The following DENND1A variants were observed in gnomAD, a reference collection of about 807,000 sequenced individuals.
DENND1A encodes DENN domain containing 1A.
DENND1A carries 51 observed loss-of-function variants against 113.7 expected under a neutral mutation model. The observed-to-expected ratio is 0.45, with a 90% CI of 0.36 to 0.57. The LOEUF is 0.57. Among genes scored for constraint, DENND1A ranks in the 20% least tolerant of loss-of-function variants. The pLI is 0.00. For missense variants in DENND1A, 1,258 were observed against 1,395.9 expected (o/e 0.90, Z 1.57); for synonymous variants, 565 against 570.8 (o/e 0.99, Z 0.14).
chr9:123,653,834 G>A (rs150491378), intron 8 of DENND1A, among the ~76,000 whole-genome samples: 70 of 151,520 alleles, frequency 4.6e-4, no homozygotes, highest in Admixed American at 9.2e-4. Context: ...CTTTTCCTGT[G>A]TTCTTTCCAA....
rs184066221 is a variant in DENND1A at position 123,765,237 on chromosome 9, T to A, written c.182+4277A>T. ...GTAAAACAGGGAAAGTATGGTGGAGTTGGAGGTCAGACAAATGAGGGTTCT... is the reference window on the plus strand; with the variant it reads ...GTAAAACAGGGAAAGTATGGTGGAGATGGAGGTCAGACAAATGAGGGTTCT... On this transcript the variant is annotated intron_variant, in intron 4 of 23. Coordinates refer to ENST00000394215, the MANE Select transcript of DENND1A (RefSeq NM_001352964.2). 3.1e-3 allele frequency among the ~76,000 whole-genome samples: 474 copies of A among 152,206 alleles called. 11 individuals are homozygous for A. Among genetic ancestry groups the A allele is most frequent in the Non-Finnish European group, 2.2e-4 (15 of 68,002 alleles).
chr9:123,921,950 C>G (rs1014721185), intron 1 of DENND1A, among the ~76,000 whole-genome samples: 3 of 148,156 alleles, frequency 2.0e-5, no homozygotes, highest in African/African-American at 5.0e-5. Context: ...GAGACAGGGT[C>G]TCACTCTGTC....
chr9:123,719,595 T>C (rs922830252), intron 5 of DENND1A, among the ~76,000 whole-genome samples: 2 of 152,232 alleles, frequency 1.3e-5, no homozygotes, highest in Non-Finnish European at 2.9e-5. Context: ...AGTTGTCTTA[T>C]CTGAAATGCC....
chr9:123,894,471 A>T (rs1850402610), intron 1 of DENND1A, among the ~76,000 whole-genome samples: 1 of 152,228 alleles, frequency 6.6e-6, no homozygotes, highest in African/African-American at 2.4e-5. Flanking sequence ...GCTGTTTGAA[A>T]TCAATAGAAA....
At chr9:123,561,323 C>A (rs2057742776) in intron 12 of DENND1A, among the ~76,000 whole-genome samples, 1 of 152,146 alleles carries the variant, frequency 6.6e-6, no homozygotes, top group Non-Finnish European at 1.5e-5. Flanking sequence ...CGAGTGTGTC[C>A]CTTCCTGCCT....
chr9:123,469,516 A>G (rs1281517673), intron 13 of DENND1A, among the ~76,000 whole-genome samples: 8 of 152,240 alleles, frequency 5.3e-5, no homozygotes, highest in Admixed American at 4.6e-4. Flanking sequence ...TTCCTTCTGC[A>G]TTAACCGAGA....
chr9:123,780,425 A>T (rs1627536), intron 3 of DENND1A, among the ~76,000 whole-genome samples: 64,457 of 152,018 alleles, frequency 0.42, 16,846 homozygotes, highest in African/African-American at 0.74. Context: ...TGGATGATAG[A>T]TCGGATTAAG....
intron 10 of DENND1A, among the ~76,000 whole-genome samples, chr9:123,618,880 A>G (rs2060793900): frequency 6.6e-6 from 1 of 152,220 alleles, no homozygotes. Context: ...TACACAGACT[A>G]ACCCATTTTT....
chr9:123,509,347 C>T (rs952470818), intron 13 of DENND1A, among the ~76,000 whole-genome samples: 1 of 152,220 alleles, frequency 6.6e-6, no homozygotes, highest in African/African-American at 2.4e-5. Context: ...GAGAGTCAGA[C>T]AGGTCTGTCT....
At chr9:123,620,244 G>GAAAAA in intron 10 of DENND1A, among the ~76,000 whole-genome samples, 1 of 118,954 alleles carries the variant, frequency 8.4e-6, no homozygotes, top group Non-Finnish European at 1.7e-5. Context: ...AAAAAGAAAA[G>GAAAAA]AAAAAGAAAA....
intron 13 of DENND1A, among the ~76,000 whole-genome samples, chr9:123,536,299 G>A (rs762534917): frequency 2.0e-5 from 3 of 151,940 alleles, no homozygotes; most frequent in Non-Finnish European, 2.9e-5. Flanking sequence ...GTGAAACCTC[G>A]TCTCTACTAA....
chr9:123,904,253 C>G (rs1260013839), intron 1 of DENND1A, among the ~76,000 whole-genome samples: 1 of 151,938 alleles, frequency 6.6e-6, no homozygotes, highest in Non-Finnish European at 1.5e-5. Context: ...GTAGATAAAA[C>G]CACAAAGATG....
intron 9 of DENND1A, among the ~76,000 whole-genome samples, chr9:123,650,978 T>G (rs2062618874): frequency 1.3e-5 from 2 of 148,974 alleles, no homozygotes; most frequent in South Asian, 4.2e-4. Context: ...AATAAATACA[T>G]GATAAAGCAA....
At chr9:123,512,351 G>A (rs1290354035) in intron 13 of DENND1A, among the ~76,000 whole-genome samples, 2 of 152,200 alleles carry the variant, frequency 1.3e-5, no homozygotes, top group Admixed American at 6.5e-5. Context: ...GAGGGGGAGC[G>A]TGGCCCCTGG....
intron 3 of DENND1A, among the ~76,000 whole-genome samples, chr9:123,792,198 T>A (rs1010223395): frequency 6.6e-6 from 1 of 152,206 alleles, no homozygotes; most frequent in Non-Finnish European, 1.5e-5. Context: ...TTCCAGGAAA[T>A]GTTATAAACT....
At chr9:123,543,507 T>C (rs1195086455) in intron 13 of DENND1A, among the ~76,000 whole-genome samples, 4 of 152,206 alleles carry the variant, frequency 2.6e-5, no homozygotes, top group Non-Finnish European at 4.4e-5. Context: ...ACATTAGTGC[T>C]GAATCCTGTA....
At chr9:123,929,111 A>T (rs944229546) in intron 1 of DENND1A, among the ~76,000 whole-genome samples, 1 of 152,216 alleles carries the variant, frequency 6.6e-6, no homozygotes, top group Non-Finnish European at 1.5e-5. Flanking sequence ...TTCCAAAGTC[A>T]ACTTCTAAGT....
intron 15 of DENND1A, among the ~76,000 whole-genome samples, chr9:123,456,424 C>A (rs1343193883): frequency 6.6e-6 from 1 of 152,132 alleles, no homozygotes; most frequent in Non-Finnish European, 1.5e-5. Flanking sequence ...CCTCTCTGGG[C>A]CTTAGATGCC....
At chr9:123,529,129 A>AT (rs1003411761) in intron 13 of DENND1A, among the ~76,000 whole-genome samples, 4 of 152,272 alleles carry the variant, frequency 2.6e-5, no homozygotes, top group African/African-American at 9.6e-5. Flanking sequence ...CCAATGCAAT[A>AT]TTTTTTTAAA....
Sources: allele counts gnomAD v4.1 joint callset (sites outside exome capture counted in the v4.1 genomes callset), GRCh38; gene constraint gnomAD v4.1.1; transcripts MANE v1.5; gene names NCBI Gene and HGNC (gene_info 2026-07-23, HGNC 2026-07-21).